TBC1D5: variants seen among roughly 807,000 people sequenced by gnomAD.
TBC1D5 encodes the protein TBC1 domain family member 5, also known as TBC1 domain family, member 5.
Under a neutral mutation model 100.3 loss-of-function variants are expected in TBC1D5, and 75 were observed. The observed-to-expected ratio is 0.75, with a 90% confidence interval of 0.62 to 0.91. The LOEUF is 0.91. Ranked by LOEUF, TBC1D5 falls within the 40% of genes least tolerant of loss-of-function variation. TBC1D5 has a pLI of 0.00. For missense variants in TBC1D5, 910 were observed against 942.4 expected, an observed-to-expected ratio of 0.97 and a Z score of 0.45; for synonymous variants, 323 against 325.6, an observed-to-expected ratio of 0.99 and a Z score of 0.09.
chr3:17,326,254 T>C (rs2470580), intron 13 of TBC1D5, among the ~76,000 whole-genome samples: 62,102 of 151,936 alleles, frequency 0.41, 13,321 homozygotes, highest in Middle Eastern at 0.5. Flanking sequence ...ATAGGAACAT[T>C]GAAGAGGGAA....
chr3:17,284,099 C>CAG (rs896892482), intron 15 of TBC1D5, among the ~76,000 whole-genome samples: 1 of 150,086 alleles, frequency 6.7e-6, no homozygotes, highest in Non-Finnish European at 1.5e-5. Context: ...TACACACACA[C>CAG]ACACACACAC....
intron 9 of TBC1D5, among the ~76,000 whole-genome samples, chr3:17,377,646 A>G (rs2152116116): frequency 6.6e-6 from 1 of 152,158 alleles, no homozygotes; most frequent in Non-Finnish European, 1.5e-5. Context: ...ATTAGAGAAG[A>G]CTTCCTATAA....
rs147864322 is a variant in TBC1D5 at position 17,703,430 on chromosome 3, T to C, written c.-101+35913A>G. Among the ~76,000 whole-genome samples the C allele has an allele frequency of 3.9e-5, 6 of 152,252 alleles. No individual in the cohort carries two copies. In the East Asian group the frequency reaches 7.7e-4, roughly 20 times the overall value. On this transcript the variant is annotated intron_variant, in intron 1 of 21. Coordinates refer to ENST00000253692, the Ensembl canonical transcript of TBC1D5. ...AATAAGTAGGCAAATTTTTAAGATATATTAAACATTAATATACTTTATAAG... is the reference window on the plus strand; with the variant it reads ...AATAAGTAGGCAAATTTTTAAGATACATTAAACATTAATATACTTTATAAG...
At chr3:17,286,884 C>T (rs554870683) in intron 15 of TBC1D5, among the ~76,000 whole-genome samples, 1 of 152,290 alleles carries the variant, frequency 6.6e-6, no homozygotes, top group African/African-American at 2.4e-5. Flanking sequence ...TCTTTGTTCT[C>T]ACTTTTTCAT....
intron 1 of TBC1D5, among the ~76,000 whole-genome samples, chr3:17,738,981 TG>T (rs1285598969): frequency 6.6e-6 from 1 of 152,238 alleles, no homozygotes; most frequent in Non-Finnish European, 1.5e-5. Context: ...CACTGAGATT[TG>T]TTGTTACACT....
At chr3:17,221,656 G>A (rs980208586) in intron 17 of TBC1D5, among the ~76,000 whole-genome samples, 3 of 152,156 alleles carry the variant, frequency 2.0e-5, no homozygotes, top group Admixed American at 6.5e-5. Flanking sequence ...AGCTGGGAAT[G>A]GGCCTCAGTT....
chr3:17,366,285 C>T (rs1171119494), intron 13 of TBC1D5, among the ~76,000 whole-genome samples: 4 of 151,574 alleles, frequency 2.6e-5, no homozygotes, highest in Non-Finnish European at 5.9e-5. Flanking sequence ...GAGCGAGACC[C>T]CCTCTCAAAC....
intron 2 of TBC1D5, among the ~76,000 whole-genome samples, chr3:17,524,923 A>C (rs2096112511): frequency 6.6e-6 from 1 of 152,062 alleles, no homozygotes; most frequent in Non-Finnish European, 1.5e-5. Flanking sequence ...ATAGGTAGGA[A>C]TTTAAAATGC....
At chr3:17,686,953 G>T (rs918299140) in intron 1 of TBC1D5, among the ~76,000 whole-genome samples, 16 of 152,086 alleles carry the variant, frequency 1.1e-4, no homozygotes, top group African/African-American at 3.9e-4. Context: ...AAAGTAACAT[G>T]TATGGTTTTC....
At chr3:17,163,228 G>A (rs2066252769) in intron 21 of TBC1D5, among the ~76,000 whole-genome samples, 2 of 150,558 alleles carry the variant, frequency 1.3e-5, no homozygotes, top group Admixed American at 1.3e-4. Flanking sequence ...GAGCTGACAG[G>A]GCCTTAGCAG....
intron 2 of TBC1D5, among the ~76,000 whole-genome samples, chr3:17,590,559 G>A (rs1044200862): frequency 6.6e-6 from 1 of 152,182 alleles, no homozygotes; most frequent in East Asian, 1.9e-4. Flanking sequence ...CTTGACCAAT[G>A]CCTTGCAAAC....
rs11374153 is a variant in TBC1D5, at chr3:17,737,825, C to CAA, written c.-101+1516_-101+1517dup. Among the ~76,000 whole-genome samples the CAA allele has an allele frequency of 2.4e-3, 347 of 144,142 alleles. 1 individual carries two copies. The highest frequency in any genetic ancestry group is 0.011 in the Middle Eastern group (3 of 278). 94.6% of individuals were successfully genotyped at this position (144,142 alleles called of 152,430 possible). A position where few individuals can be genotyped will look rare whatever the true frequency, so the allele number is the denominator to read the frequency against. On this transcript the variant is annotated intron_variant, in intron 1 of 21. Coordinates refer to ENST00000253692, the Ensembl canonical transcript of TBC1D5. ...CAAAACTTTTAAGACTATTTTGTTTCAAAAAAAAAAAAACCCAGTTAACAT... is the reference window on the plus strand; with the variant it reads ...CAAAACTTTTAAGACTATTTTGTTTCAAAAAAAAAAAAAAACCCAGTTAACAT...
At chr3:17,538,600 T>C (rs762543850) in intron 2 of TBC1D5, among the ~76,000 whole-genome samples, 3 of 152,222 alleles carry the variant, frequency 2.0e-5, no homozygotes, top group Non-Finnish European at 2.9e-5. Context: ...TCCCTCTGCC[T>C]TAAACCAACT....
At chr3:17,333,482 T>TAATACAATTAAA (rs1343637877) in intron 13 of TBC1D5, 1 of 152,130 alleles carries the variant, frequency 6.6e-6, no homozygotes, top group African/African-American at 2.4e-5. Flanking sequence ...ATTAAATGTT[T>TAATACAATTAAA]AATACAATTA....
intron 1 of TBC1D5, among the ~76,000 whole-genome samples, chr3:17,714,255 A>C (rs2075031633): frequency 6.6e-6 from 1 of 152,246 alleles, no homozygotes; most frequent in South Asian, 2.1e-4. Context: ...GCCAAGTAGA[A>C]CTAATAACCC....
At chr3:17,432,330 A>G (rs143765138) in intron 3 of TBC1D5, among the ~76,000 whole-genome samples, 1 of 152,324 alleles carries the variant, frequency 6.6e-6, no homozygotes, top group East Asian at 1.9e-4. Flanking sequence ...TGTTTTAGTT[A>G]ACTTTAAAAT....
chr3:17,441,998 CA>C (rs1308588385), intron 3 of TBC1D5, among the ~76,000 whole-genome samples: 1 of 151,992 alleles, frequency 6.6e-6, no homozygotes, highest in African/African-American at 2.4e-5. Context: ...AAAACAAAAA[CA>C]AAAACCACTT....
chr3:17,382,504 T>C (rs952662459), intron 9 of TBC1D5, among the ~76,000 whole-genome samples: 3 of 152,030 alleles, frequency 2.0e-5, no homozygotes, highest in Admixed American at 2.0e-4. Flanking sequence ...TAAAGTCTTC[T>C]CATCCAAAAA....
intron 1 of TBC1D5, among the ~76,000 whole-genome samples, chr3:17,715,804 A>G (rs1057174472): frequency 6.6e-6 from 1 of 151,800 alleles, no homozygotes; most frequent in Admixed American, 6.6e-5. Flanking sequence ...TATGTCTCTT[A>G]AAAAAAAGGG....
Sources: gnomAD v4.1 joint callset for allele counts (sites outside exome capture counted in the v4.1 genomes callset) on GRCh38, gnomAD v4.1.1 for gene constraint, MANE v1.5 for transcripts, NCBI Gene and HGNC (gene_info 2026-07-23, HGNC 2026-07-21) for gene names.